DECR2: variants seen among roughly 807,000 people sequenced by gnomAD.
DECR2 encodes the protein 2,4-dienoyl-CoA reductase 2.
In DECR2, 34 loss-of-function variants were observed where a neutral mutation model predicts 29.2. That is an observed-to-expected ratio of 1.16 (90% CI 0.89 to 1.55). The LOEUF (loss-of-function observed/expected upper bound fraction) is 1.55, where lower values mean the gene tolerates loss of function less well. Among genes scored for constraint, DECR2 ranks in the 40% most tolerant of loss-of-function variants. The probability of loss-of-function intolerance (pLI) is 0.00; values close to 1 mark genes in which losing one functional copy is unlikely to be tolerated. For missense variants in DECR2, 485 were observed against 425.3 expected, an observed-to-expected ratio of 1.14 and a Z score of -1.23; for synonymous variants, 224 against 182.7, an observed-to-expected ratio of 1.23 and a Z score of -1.82.
In DECR2 at chr16:410,498, G is replaced by A; in HGVS notation, c.462+131G>A. 8 of 1,542,078 alleles carry A rather than the reference G, an allele frequency of 5.2e-6. No individual in the cohort carries two copies. The South Asian group carries it at 6.2e-5, about 12-fold the overall frequency. ...TTCCGGGTGGGTGTACTCCCAGCGGGGGCCTCCCCCTGACGGCCGCCCGCT... is the reference window on the plus strand; with the variant it reads ...TTCCGGGTGGGTGTACTCCCAGCGGAGGCCTCCCCCTGACGGCCGCCCGCT... On this transcript the variant is annotated intron_variant, in intron 5 of 8. Coordinates refer to ENST00000219481, the MANE Select transcript of DECR2 (RefSeq NM_020664.4). This position sits in a 1 kb window ranked among gnomAD's most constrained non-coding sequence, Gnocchi z 4.1.
At chr16:409,391 C>T (rs1041331611) in intron 4 of DECR2, among the ~76,000 whole-genome samples, 9 of 146,242 alleles carry the variant, frequency 6.2e-5, no homozygotes, top group Non-Finnish European at 1.1e-4. Flanking sequence ...AGGATGGTCT[C>T]GATCTCCTGA....
intron 1 of DECR2, 144 bp from the exon 2 acceptor site, chr16:404,812 T>C (rs1173736602): frequency 1.4e-6 from 1 of 722,604 alleles, no homozygotes; most frequent in Non-Finnish European, 2.3e-6. Flanking sequence ...GTATTTTTAG[T>C]AGAGACGAGG....
At chr16:411,240 C>A in intron 7 of DECR2, 121 bp from the exon 8 acceptor site, 1 of 1,201,068 alleles carries the variant, frequency 8.3e-7, no homozygotes, top group Non-Finnish European at 1.1e-6. Flanking sequence ...CCATGCTAGG[C>A]CTTGGTGACA....
intron 2 of DECR2, chr16:405,255 G>T: frequency 1.6e-6 from 1 of 614,024 alleles, no homozygotes. Flanking sequence ...TCTGGTCTGG[G>T]GCCTGCTGGG....
chr16:407,820 C>T (rs539540229), intron 4 of DECR2, among the ~76,000 whole-genome samples: 13 of 137,530 alleles, frequency 9.5e-5, no homozygotes, highest in Admixed American at 4.4e-4. Context: ...CCTCTGTCTT[C>T]GGCCGCATCT....
intron 1 of DECR2, among the ~76,000 whole-genome samples, chr16:402,782 G>A (rs151149458): frequency 3.3e-4 from 50 of 151,966 alleles, no homozygotes; most frequent in Non-Finnish European, 5.7e-4. Context: ...TCAGGAGTTC[G>A]AGACCAGCCT....
At position 406,255 on chromosome 16, in the gene DECR2, C is replaced by T. The variant is rs191853186; in HGVS notation, c.150-91C>T. 2.4e-5 allele frequency: 33 copies of T among 1,394,852 alleles called. No homozygotes were observed. In the East Asian group the frequency reaches 5.6e-4, roughly 23 times the overall value. 86.4% of individuals were successfully genotyped at this position (1,394,852 alleles called of 1,614,324 possible). On this transcript the variant is annotated intron_variant, in intron 2 of 8. Coordinates refer to ENST00000219481, the MANE Select transcript of DECR2 (RefSeq NM_020664.4). ...GGGCCTTCAGCCTGGACTGGTACTT[C>T]CGCCTGAGAGACTCCTGCTCAGGAG...
In DECR2 at chr16:412,009, C is replaced by CT. The variant is rs1475895341; in HGVS notation, c.*121dup. On this transcript the variant is annotated 3_prime_UTR_variant, in exon 9 of 9. Coordinates refer to ENST00000219481, the MANE Select transcript of DECR2 (RefSeq NM_020664.4). The stretch of plus-strand genomic sequence containing the variant: ...ACACTCAGCTATTACTGCGCTTTCC[C>CT]TCCCCACGGCCCCAACTCCAGGGCA... 2.4e-5 allele frequency: 4 copies of CT among 165,090 alleles called. No homozygotes were observed. The highest frequency in any genetic ancestry group is 9.6e-5 in the African/African-American group (4 of 41,848). 10.2% of individuals were successfully genotyped at this position (165,090 alleles called of 1,614,324 possible). A position where few individuals can be genotyped will look rare whatever the true frequency, so the allele number is the denominator to read the frequency against.
rs869105802 is a variant in DECR2 at position 406,503 on chromosome 16, C to CT, written c.201+115dup. On this transcript the variant is annotated intron_variant, in intron 3 of 8. Coordinates refer to ENST00000219481, the MANE Select transcript of DECR2 (RefSeq NM_020664.4). Reference sequence around the variant, plus strand: ...GGCTATGGGGATGTTGGCACCAAAACTTTTTTTTTCTGAGACGGGAGTCTC... The same window carrying CT: ...GGCTATGGGGATGTTGGCACCAAAACTTTTTTTTTTCTGAGACGGGAGTCTC... 1,670 of 1,180,610 alleles carry CT rather than the reference C, an allele frequency of 1.4e-3. 10 individuals are homozygous for CT. Among genetic ancestry groups the CT allele is most frequent in the African/African-American group, 9.5e-3 (619 of 65,222 alleles). 73.1% of individuals were successfully genotyped at this position (1,180,610 alleles called of 1,614,324 possible). A position where few individuals can be genotyped will look rare whatever the true frequency, so the allele number is the denominator to read the frequency against.
chr16:411,680 T>C, intron 8 of DECR2, 102 bp downstream of exon 8: 1 of 1,304,350 alleles, frequency 7.7e-7, no homozygotes, highest in African/African-American at 1.5e-5. Context: ...GTCTCCTTTG[T>C]CCCCATCCTC....
chr16:411,624 G>T, intron 8 of DECR2, 46 bp downstream of exon 8: 5 of 1,566,012 alleles, frequency 3.2e-6, no homozygotes, highest in Non-Finnish European at 4.3e-6. Flanking sequence ...GTCCTTGGAC[G>T]CTGGTCACTG....
In DECR2 at chr16:410,597, T is replaced by G; in HGVS notation, c.463-94T>G. 2.2e-6 allele frequency: 3 copies of G among 1,388,708 alleles called. No individual in the cohort carries two copies. Among genetic ancestry groups the G allele is most frequent in the Non-Finnish European group, 2.0e-6 (2 of 1,005,716 alleles). 86.0% of individuals were successfully genotyped at this position (1,388,708 alleles called of 1,614,324 possible). A position where few individuals can be genotyped will look rare whatever the true frequency, so the allele number is the denominator to read the frequency against. ...CTCCCCCTGACGGCCGCCCGCTCCC[T>G]GCCCCGGGCCTCCCCCTGACAGCCA... On this transcript the variant is annotated intron_variant, in intron 5 of 8. Coordinates refer to ENST00000219481, the MANE Select transcript of DECR2 (RefSeq NM_020664.4). This position sits in a 1 kb window ranked among gnomAD's most constrained non-coding sequence, Gnocchi z 4.1.
At chr16:406,290 T>TG (rs1182097562) in intron 2 of DECR2, 56 bp from the exon 3 acceptor site, 4 of 1,419,978 alleles carry the variant, frequency 2.8e-6, no homozygotes, top group Non-Finnish European at 3.7e-6. Flanking sequence ...GCTGGGCAGA[T>TG]GCCCCGGGAG....
In DECR2 at chr16:410,353, GA is replaced by G. The variant is rs1567341903; in HGVS notation, c.449del (p.Glu150GlyfsTer10). The G allele has an allele frequency of 2.5e-6, 4 of 1,600,120 alleles. No homozygotes were observed. In the African/African-American group the frequency reaches 5.6e-5, roughly 23 times the overall value. ...CTTCAATGTGTCTCGTGTGCTCTAT[GA>G]GAAGTTCTTCCGGGTGGGTGCCTCG... Reference protein sequence around the residue: ...GTFNVSRVLYEKFFRDHGGVI... With the variant: ...GTFNVSRVLYXKFFRDHGGVI... On this transcript the variant is annotated frameshift_variant, in exon 5 of 9. Coordinates refer to ENST00000219481, the MANE Select transcript of DECR2 (RefSeq NM_020664.4). LOFTEE classifies it high-confidence loss of function. This position sits in a 1 kb window ranked among gnomAD's most constrained non-coding sequence, Gnocchi z 4.1.
rs772345495 is a variant in DECR2, at chr16:411,412, G to C, written c.713G>C (p.Arg238Thr). 1.2e-6 allele frequency: 2 copies of C among 1,613,056 alleles called. No homozygotes were observed. Among genetic ancestry groups the C allele is most frequent in the South Asian group, 2.2e-5 (2 of 91,080 alleles). Residue 238 changes from arginine (R) to threonine (T), a missense_variant, in exon 8 of 9, where the codon AGG becomes ACG. Transcript: ENST00000219481. ...STKVTASPLQ[R>T]LGNKTEIAHS... ...AAGGTCACTGCCAGCCCGCTGCAGAGGCTGGGGAACAAGACCGAGATCGCC... is the reference window on the plus strand; with the variant it reads ...AAGGTCACTGCCAGCCCGCTGCAGACGCTGGGGAACAAGACCGAGATCGCC...
intron 4 of DECR2, among the ~76,000 whole-genome samples, chr16:408,057 C>CCG (rs2054757810): frequency 5.5e-5 from 1 of 18,222 alleles, no homozygotes; most frequent in Non-Finnish European, 1.6e-4. Context: ...GTCTCCGGCC[C>CCG]TCTGTCTCCG....
chr16:410,173 A>C lies in DECR2; in HGVS notation c.338-70A>C. On this transcript the variant is annotated intron_variant, in intron 4 of 8. Transcript: ENST00000219481. This position sits in a 1 kb window ranked among gnomAD's most constrained non-coding sequence, Gnocchi z 4.1. ...CCCTCCTGCACCCTCCGCTCTGCCC[A>C]CCTGGCCACCACCCACTTGGCATCC... The C allele has an allele frequency of 6.4e-7, 1 of 1,569,012 alleles. No homozygotes were observed. The highest frequency in any genetic ancestry group is 1.4e-5 in the African/African-American group (1 of 73,816).
rs1009718742 is a variant in DECR2 at position 407,323 on chromosome 16, G to T, written c.202-102G>T. The stretch of plus-strand genomic sequence containing the variant: ...AGTGGGGTCCAGCAGCAAACCCAGG[G>T]TCCCCGAGGAACCCGGAAGCATCGT... On this transcript the variant is annotated intron_variant, in intron 3 of 8. Coordinates refer to ENST00000219481, the MANE Select transcript of DECR2 (RefSeq NM_020664.4). 2.7e-6 allele frequency: 4 copies of T among 1,486,970 alleles called. No individual in the cohort carries two copies. In the African/African-American group the frequency reaches 5.6e-5, roughly 21 times the overall value. The allele number at this position is 1,486,970 out of a possible 1,614,324, so 92.1% of individuals were successfully genotyped here. A position where few individuals can be genotyped will look rare whatever the true frequency, so the allele number is the denominator to read the frequency against.
Position 410,864 on chromosome 16 carries a change from GTCTC to G in DECR2, c.556+81_556+84del. On this transcript the variant is annotated intron_variant, in intron 6 of 8. Coordinates refer to ENST00000219481, the MANE Select transcript of DECR2 (RefSeq NM_020664.4). The surrounding 1 kb of genome is among the most constrained non-coding windows in gnomAD (Gnocchi z 4.1). ...CTGCTTCCATCCCAGGAGGCCAGCAGTCTCCACTTGAAGCTGAGCCCAGCTGCAG... is the reference window on the plus strand; with the variant it reads ...CTGCTTCCATCCCAGGAGGCCAGCAGCACTTGAAGCTGAGCCCAGCTGCAG... 1 of 1,524,940 alleles carries G rather than the reference GTCTC, an allele frequency of 6.6e-7. No individual in the cohort carries two copies. The highest frequency in any genetic ancestry group is 8.9e-7 in the Non-Finnish European group (1 of 1,127,040). The allele number at this position is 1,524,940 out of a possible 1,614,324, so 94.5% of individuals were successfully genotyped here.
Sources: allele counts gnomAD v4.1 joint callset (sites outside exome capture counted in the v4.1 genomes callset), GRCh38; gene constraint gnomAD v4.1.1; non-coding constraint Gnocchi (gnomAD v3.1); transcripts MANE v1.5; gene names NCBI Gene and HGNC (gene_info 2026-07-23, HGNC 2026-07-21).